Variants in GRXCR2 observed in about 807,000 individuals in gnomAD.
GRXCR2 encodes glutaredoxin domain-containing cysteine-rich protein 2.
In GRXCR2, 23 loss-of-function variants were observed where a neutral mutation model predicts 24.8. The observed-to-expected ratio is 0.93, with a 90% CI of 0.67 to 1.32. GRXCR2 has a LOEUF of 1.32. Ranked by LOEUF, GRXCR2 falls within the 40% of genes most tolerant of loss-of-function variation. The probability of loss-of-function intolerance (pLI) is 0.00; values close to 1 mark genes in which losing one functional copy is unlikely to be tolerated. For missense variants in GRXCR2, 315 were observed against 303.4 expected (o/e 1.04, Z -0.28); for synonymous variants, 130 against 116.1 (o/e 1.12, Z -0.77).
intron 2 of GRXCR2, among the ~76,000 whole-genome samples, chr5:145,916,826 G>C (rs749828681): frequency 1.3e-5 from 2 of 152,146 alleles, no homozygotes; most frequent in Admixed American, 6.6e-5. Context: ...GTCATTGTGA[G>C]ATAGGGAACA....
chr5:145,908,834 A>G (rs970968156), intron 2 of GRXCR2, among the ~76,000 whole-genome samples: 8 of 152,176 alleles, frequency 5.3e-5, no homozygotes, highest in African/African-American at 1.9e-4. Context: ...AAGAAAGGCA[A>G]TGTACGTAGT....
At chr5:145,916,790 A>G (rs1454284287) in intron 2 of GRXCR2, among the ~76,000 whole-genome samples, 1 of 152,142 alleles carries the variant, frequency 6.6e-6, no homozygotes, top group African/African-American at 2.4e-5. Context: ...GTAAAGTAAA[A>G]TTGAGATTAT....
At chr5:145,872,577 A>G in intron 1 of GRXCR2, 56 bp downstream of exon 1, 1 of 1,437,544 alleles carries the variant, frequency 7.0e-7, no homozygotes, top group Non-Finnish European at 9.4e-7. Context: ...GAGTTTCTCT[A>G]AACACGTTTT....
chr5:145,897,011 A>T (rs550682017), intron 2 of GRXCR2, among the ~76,000 whole-genome samples: 64 of 151,910 alleles, frequency 4.2e-4, no homozygotes, highest in Non-Finnish European at 8.1e-4. Context: ...GGAAACCATC[A>T]TTCTCAGCAA....
At chr5:145,909,529 C>T (rs1453945592) in intron 2 of GRXCR2, among the ~76,000 whole-genome samples, 1 of 152,154 alleles carries the variant, frequency 6.6e-6, no homozygotes, top group Non-Finnish European at 1.5e-5. Context: ...CTCTATTGCC[C>T]CCCTCAGTGT....
At chr5:145,901,679 C>T (rs1359223648) in intron 2 of GRXCR2, among the ~76,000 whole-genome samples, 1 of 152,120 alleles carries the variant, frequency 6.6e-6, no homozygotes, top group Non-Finnish European at 1.5e-5. Context: ...CACTGAGAAG[C>T]ACCCTTGAGT....
intron 2 of GRXCR2, among the ~76,000 whole-genome samples, chr5:145,865,029 G>A (rs1756404052): frequency 6.6e-6 from 1 of 152,116 alleles, no homozygotes; most frequent in Admixed American, 6.5e-5. Context: ...ATAGACTTAT[G>A]ATATGGGAGA....
intron 2 of GRXCR2, among the ~76,000 whole-genome samples, chr5:145,907,485 T>C (rs1191787071): frequency 4.6e-5 from 7 of 151,424 alleles, no homozygotes; most frequent in Non-Finnish European, 8.8e-5. Flanking sequence ...GCTGAGATCG[T>C]GCCACTGCAC....
intron 2 of GRXCR2, among the ~76,000 whole-genome samples, chr5:145,929,192 T>A (rs955700685): frequency 1.6e-5 from 2 of 123,382 alleles, no homozygotes; most frequent in African/African-American, 3.2e-5. Context: ...TTGTATAATA[T>A]TCCCCCCTAT....
At chr5:145,895,457 A>G (rs370693084) in intron 2 of GRXCR2, among the ~76,000 whole-genome samples, 38 of 152,228 alleles carry the variant, frequency 2.5e-4, no homozygotes, top group African/African-American at 4.6e-4. Context: ...CAAAATCAAT[A>G]TGCAAAAATC....
chr5:145,894,866 C>T (rs1756925328), intron 2 of GRXCR2, among the ~76,000 whole-genome samples: 1 of 152,140 alleles, frequency 6.6e-6, no homozygotes, highest in South Asian at 2.1e-4. Context: ...CCCTGATGAA[C>T]ATCGATGCAA....
chr5:145,913,867 G>A (rs1038148310), intron 2 of GRXCR2, among the ~76,000 whole-genome samples: 1 of 152,108 alleles, frequency 6.6e-6, no homozygotes, highest in Non-Finnish European at 1.5e-5. Context: ...ATAAAAAGTG[G>A]ATTCGCAGAA....
intron 2 of GRXCR2, among the ~76,000 whole-genome samples, chr5:145,926,892 C>T (rs1757406995): frequency 6.6e-6 from 1 of 152,142 alleles, no homozygotes; most frequent in African/African-American, 2.4e-5. Flanking sequence ...TTTGTATCCT[C>T]TTTTATTTCC....
At chr5:145,928,317 A>T (rs1186674593) in intron 2 of GRXCR2, among the ~76,000 whole-genome samples, 4 of 152,198 alleles carry the variant, frequency 2.6e-5, no homozygotes, top group Non-Finnish European at 5.9e-5. Context: ...ACTGTAAACT[A>T]GTTCAACCAC....
At chr5:145,931,032 GTTTGT>G (rs149684898) in intron 2 of GRXCR2, among the ~76,000 whole-genome samples, 2,881 of 152,108 alleles carry the variant, frequency 0.019, 86 homozygotes, top group African/African-American at 0.065. Flanking sequence ...CTTTTTGTCT[GTTTGT>G]TTTGTTTTGT....
At chr5:145,869,590 C>T (rs1247163692) in intron 1 of GRXCR2, among the ~76,000 whole-genome samples, 2 of 139,970 alleles carry the variant, frequency 1.4e-5, no homozygotes, top group Non-Finnish European at 3.0e-5. Flanking sequence ...CGGAGTCTTG[C>T]TCTGTCACCC....
upstream of GRXCR2, among the ~76,000 whole-genome samples, chr5:145,877,015 C>T (rs917191638): frequency 6.6e-6 from 1 of 151,636 alleles, no homozygotes; most frequent in African/African-American, 2.4e-5. Flanking sequence ...TTTTCTTTCC[C>T]AGTTTAATCA....
chr5:145,857,842 T>C (rs1414527983), downstream of GRXCR2, among the ~76,000 whole-genome samples: 2 of 152,156 alleles, frequency 1.3e-5, no homozygotes, highest in Admixed American at 1.3e-4. Context: ...ATCCCAGCAC[T>C]TGTCACAGTG....
chr5:145,920,142 A>G (rs1757303151), intron 2 of GRXCR2, among the ~76,000 whole-genome samples: 1 of 152,114 alleles, frequency 6.6e-6, no homozygotes, highest in African/African-American at 2.4e-5. Context: ...AGGACCCTAA[A>G]ATTAGAATTG....
Sources: gnomAD v4.1 joint callset for allele counts (sites outside exome capture counted in the v4.1 genomes callset) on GRCh38, gnomAD v4.1.1 for gene constraint, MANE v1.5 for transcripts, NCBI Gene and HGNC (gene_info 2026-07-23, HGNC 2026-07-21) for gene names.